DYM: variants seen among roughly 807,000 people sequenced by gnomAD.
DYM encodes dyggve-Melchior-Clausen syndrome protein.
A neutral mutation model predicts 93.1 loss-of-function variants in DYM; 78 were observed. The ratio of observed to expected loss-of-function variants is 0.84; its 90% CI spans 0.70 to 1.01. DYM has a LOEUF of 1.01. Among genes scored for constraint, DYM ranks in the 50% least tolerant of loss-of-function variants. The pLI is 0.00. For missense variants in DYM, 789 were observed against 845.0 expected (o/e 0.93, Z 0.82); for synonymous variants, 321 against 319.7 (o/e 1.00, Z -0.04).
At chr18:49,262,445 A>C (rs910015979) in intron 11 of DYM, among the ~76,000 whole-genome samples, 2 of 152,220 alleles carry the variant, frequency 1.3e-5, no homozygotes, top group African/African-American at 4.8e-5. Flanking sequence ...TTTCATTTAT[A>C]TCAGCAGTAC....
At chr18:49,246,547 A>T (rs149873436) in intron 13 of DYM, among the ~76,000 whole-genome samples, 2 of 138,162 alleles carry the variant, frequency 1.4e-5, no homozygotes, top group Non-Finnish European at 3.0e-5. Flanking sequence ...ATGAACCTAG[A>T]TGACTTGGTT....
At chr18:49,078,779 TA>T (rs1363838944) in intron 17 of DYM, among the ~76,000 whole-genome samples, 1 of 152,240 alleles carries the variant, frequency 6.6e-6, no homozygotes, top group Non-Finnish European at 1.5e-5. Context: ...GAATGTTATA[TA>T]TTTACTTAGA....
At chr18:49,217,436 C>G (rs1478549080) in intron 13 of DYM, among the ~76,000 whole-genome samples, 3 of 151,994 alleles carry the variant, frequency 2.0e-5, no homozygotes, top group Non-Finnish European at 4.4e-5. Context: ...AAGAGCAACT[C>G]CAAGACACAT....
intron 14 of DYM, among the ~76,000 whole-genome samples, chr18:49,192,127 C>T: frequency 9.6e-6 from 1 of 103,756 alleles, no homozygotes; most frequent in Admixed American, 1.4e-4. Flanking sequence ...TTTTTTGAGA[C>T]AGAGTCTTGC....
At chr18:49,128,259 C>A (rs891599688) in intron 15 of DYM, among the ~76,000 whole-genome samples, 1 of 152,196 alleles carries the variant, frequency 6.6e-6, no homozygotes, top group African/African-American at 2.4e-5. Flanking sequence ...GAGTTTCTCA[C>A]CCTTCCTCAG....
intron 8 of DYM, among the ~76,000 whole-genome samples, chr18:49,325,913 C>A (rs573134510): frequency 6.6e-6 from 1 of 152,288 alleles, no homozygotes; most frequent in East Asian, 1.9e-4. Flanking sequence ...CCACCATAAG[C>A]TGCCTCGAAA....
intron 15 of DYM, among the ~76,000 whole-genome samples, chr18:49,160,213 AT>A (rs2086930217): frequency 6.6e-6 from 1 of 152,046 alleles, no homozygotes; most frequent in Non-Finnish European, 1.5e-5. Flanking sequence ...CTTGAGTACA[AT>A]TTTTGTTTTA....
chr18:49,309,241 A>G (rs926647537), intron 8 of DYM, among the ~76,000 whole-genome samples: 1 of 152,206 alleles, frequency 6.6e-6, no homozygotes, highest in Non-Finnish European at 1.5e-5. Context: ...GGTCAACCTA[A>G]GTAGAAGGCT....
intron 17 of DYM, among the ~76,000 whole-genome samples, chr18:49,067,603 C>A (rs928421454): frequency 6.6e-6 from 1 of 152,048 alleles, no homozygotes; most frequent in Non-Finnish European, 1.5e-5. Context: ...AGGCTGGGAG[C>A]GTGCATGCCA....
chr18:49,261,445 T>G (rs545369572), intron 11 of DYM, among the ~76,000 whole-genome samples: 1 of 152,294 alleles, frequency 6.6e-6, no homozygotes, highest in East Asian at 1.9e-4. Context: ...CCAAGGTGGA[T>G]GGATCACCTG....
At chr18:49,353,633 C>T (rs549433417) in intron 6 of DYM, among the ~76,000 whole-genome samples, 6 of 151,700 alleles carry the variant, frequency 4.0e-5, no homozygotes, top group African/African-American at 9.7e-5. Flanking sequence ...TCTGAGCAGA[C>T]GTCAATAAAT....
At chr18:49,313,236 C>G (rs1468639421) in intron 8 of DYM, among the ~76,000 whole-genome samples, 1 of 151,854 alleles carries the variant, frequency 6.6e-6, no homozygotes, top group East Asian at 1.9e-4. Flanking sequence ...GAGGCCGAGG[C>G]AGGCGGATCA....
intron 13 of DYM, among the ~76,000 whole-genome samples, chr18:49,214,092 G>C (rs909862734): frequency 6.6e-6 from 1 of 152,106 alleles, no homozygotes; most frequent in African/African-American, 2.4e-5. Context: ...GTACCAACAC[G>C]AAATGCTTGG....
intron 14 of DYM, among the ~76,000 whole-genome samples, chr18:49,164,351 T>C (rs2087593083): frequency 6.7e-6 from 1 of 150,256 alleles, no homozygotes; most frequent in African/African-American, 2.4e-5. Context: ...AAAAAAAAAA[T>C]GACACAACTG....
chr18:49,292,901 G>A (rs75673204), intron 8 of DYM, among the ~76,000 whole-genome samples: 12,199 of 151,974 alleles, frequency 0.08, 776 homozygotes, highest in East Asian at 0.31. Context: ...AGGTATACAC[G>A]TGCCATGGTG....
At chr18:49,289,282 TG>T (rs1486697773) in intron 8 of DYM, among the ~76,000 whole-genome samples, 1 of 151,950 alleles carries the variant, frequency 6.6e-6, no homozygotes, top group African/African-American at 2.4e-5. Flanking sequence ...AATATTCATT[TG>T]ACCATTTAAA....
chr18:49,072,532 T>C (rs963789762), intron 17 of DYM, among the ~76,000 whole-genome samples: 1 of 152,242 alleles, frequency 6.6e-6, no homozygotes, highest in Admixed American at 6.5e-5. Context: ...AGACAAGAAG[T>C]AGTGAACAGC....
At chr18:49,084,913 G>C (rs1323363000) in intron 17 of DYM, among the ~76,000 whole-genome samples, 3 of 152,148 alleles carry the variant, frequency 2.0e-5, no homozygotes, top group Non-Finnish European at 4.4e-5. Context: ...CCAAAGTCAG[G>C]ACAGTTTTTA....
At chr18:49,381,336 C>T (rs2147732708) in intron 3 of DYM, among the ~76,000 whole-genome samples, 1 of 152,286 alleles carries the variant, frequency 6.6e-6, no homozygotes. Context: ...TACAGCATTA[C>T]AGCATACCTG....
Sources: allele counts gnomAD v4.1 joint callset (sites outside exome capture counted in the v4.1 genomes callset), GRCh38; gene constraint gnomAD v4.1.1; transcripts MANE v1.5; gene names NCBI Gene and HGNC (gene_info 2026-07-23, HGNC 2026-07-21).